AFG1L: variants seen among roughly 807,000 people sequenced by gnomAD.
The protein encoded by AFG1L is AFG1 like ATPase.
AFG1L carries 53 observed loss-of-function variants against 62.2 expected under a neutral mutation model. That is an observed-to-expected ratio of 0.85 (90% CI 0.68 to 1.07). The LOEUF (loss-of-function observed/expected upper bound fraction) is 1.07. Among genes scored for constraint, AFG1L ranks in the 50% least tolerant of loss-of-function variants. The pLI is 0.00. For synonymous variants in AFG1L, 228 were observed against 210.3 expected (o/e 1.08, Z -0.73); for missense variants, 555 against 590.5 (o/e 0.94, Z 0.62).
At position 108,440,227 on chromosome 6, in the gene AFG1L, G is replaced by A. The variant is rs370755533; in HGVS notation, c.808-6987G>A. 1.2e-4 allele frequency among the ~76,000 whole-genome samples: 18 copies of A among 152,132 alleles called. No individual in the cohort carries two copies. The East Asian group carries it at 2.5e-3, about 21-fold the overall frequency. ...GGAGTCTCATTCTGTTGCCCAGGCTGGAGCAGTCTCAGTTCATTGCAACCT... is the reference window on the plus strand; with the variant it reads ...GGAGTCTCATTCTGTTGCCCAGGCTAGAGCAGTCTCAGTTCATTGCAACCT... On this transcript the variant is annotated intron_variant, in intron 7 of 12. Transcript: ENST00000368977.
At chr6:108,352,164 C>A (rs1168664989) in intron 3 of AFG1L, among the ~76,000 whole-genome samples, 1 of 152,198 alleles carries the variant, frequency 6.6e-6, no homozygotes, top group Non-Finnish European at 1.5e-5. Context: ...ACTCCCCTGG[C>A]CTGGCAACCA....
intron 2 of AFG1L, among the ~76,000 whole-genome samples, chr6:108,338,554 T>C (rs1324408008): frequency 6.6e-6 from 1 of 152,162 alleles, no homozygotes. Flanking sequence ...AGGTTGGTCT[T>C]GAACTCCTGG....
intron 3 of AFG1L, among the ~76,000 whole-genome samples, chr6:108,353,588 T>TA (rs1328986498): frequency 6.6e-6 from 1 of 151,826 alleles, no homozygotes. Context: ...TTTTTTTTTT[T>TA]AATAGTCGTT....
chr6:108,341,622 C>G (rs922890752), intron 2 of AFG1L, among the ~76,000 whole-genome samples: 5 of 151,996 alleles, frequency 3.3e-5, no homozygotes, highest in African/African-American at 1.2e-4. Context: ...GTACCTAGAT[C>G]TTTTGGGTTC....
At chr6:108,516,757 C>T (rs1582694038) in intron 11 of AFG1L, among the ~76,000 whole-genome samples, 2 of 152,108 alleles carry the variant, frequency 1.3e-5, no homozygotes, top group Admixed American at 6.6e-5. Context: ...AAAACCCCAT[C>T]GTCTCAGCCC....
intron 2 of AFG1L, among the ~76,000 whole-genome samples, chr6:108,337,068 C>T (rs1393739295): frequency 6.6e-6 from 1 of 152,164 alleles, no homozygotes; most frequent in East Asian, 1.9e-4. Flanking sequence ...TGCTATAGCC[C>T]AGGCTAGTCT....
chr6:108,355,717 G>A lies in AFG1L; in HGVS notation c.479G>A (p.Arg160Gln), dbSNP rs1413179981. 6 of 1,610,658 alleles carry A rather than the reference G, an allele frequency of 3.7e-6. No individual in the cohort carries two copies. The highest frequency in any genetic ancestry group is 1.3e-5 in the African/African-American group (1 of 74,738). Residue 160 changes from arginine to glutamine, a missense_variant, in exon 4 of 13, where the codon CGG becomes CAG. By Grantham distance (43) the Arg-to-Gln change is conservative. Transcript: ENST00000368977. ...TATGTGGAAATGAAGAGGAAAAAAC[G>A]GGTTCATTTTCATGGTTTCATGCTA... ...YAYVEMKRKK[R>Q]VHFHGFMLDV...
intron 6 of AFG1L, among the ~76,000 whole-genome samples, chr6:108,375,504 T>G (rs1780204810): frequency 6.6e-6 from 1 of 152,082 alleles, no homozygotes; most frequent in African/African-American, 2.4e-5. Context: ...GTTCCTGCGG[T>G]GTCTAGTTTC....
At chr6:108,499,749 C>CACCCCCA (rs1774113610) in intron 10 of AFG1L, among the ~76,000 whole-genome samples, 1 of 151,896 alleles carries the variant, frequency 6.6e-6, no homozygotes, top group Non-Finnish European at 1.5e-5. Context: ...AGAGCTAGAT[C>CACCCCCA]CTGTCCCCAT....
Position 108,482,834 on chromosome 6 carries a change from C to A in AFG1L, c.1062+5542C>A, listed in dbSNP as rs145856058. Among the ~76,000 whole-genome samples the A allele has an allele frequency of 9.5e-3, 1,447 of 152,272 alleles. 16 individuals carry two copies. The highest frequency in any genetic ancestry group is 0.033 in the African/African-American group (1,369 of 41,566). On this transcript the variant is annotated intron_variant, in intron 10 of 12. Transcript: ENST00000368977. ...TCATGTCAAGGATTCATACTGTCAACATGGCTTATAAATGTTGATGCTAAC... is the reference window on the plus strand; with the variant it reads ...TCATGTCAAGGATTCATACTGTCAAAATGGCTTATAAATGTTGATGCTAAC...
In AFG1L at chr6:108,453,310, T is replaced by TTA. The variant is rs1382148849; in HGVS notation, c.890+6015_890+6016dup. On this transcript the variant is annotated intron_variant, in intron 8 of 12. Coordinates refer to ENST00000368977, the MANE Select transcript of AFG1L (RefSeq NM_145315.5). ...TTTGTGCTTGGCTAATATAATGTAT[T>TTA]TACCCATCTTTTGAACAGATTTCAA... 8.5e-5 allele frequency among the ~76,000 whole-genome samples: 13 copies of TTA among 152,230 alleles called. 1 individual carries two copies. Among genetic ancestry groups the TTA allele is most frequent in the Non-Finnish European group, 1.9e-4 (13 of 68,038 alleles).
At chr6:108,518,601 G>A (rs1774995078) in intron 11 of AFG1L, among the ~76,000 whole-genome samples, 1 of 152,024 alleles carries the variant, frequency 6.6e-6, no homozygotes, top group Non-Finnish European at 1.5e-5. Flanking sequence ...GTATACATAT[G>A]TAACAAACCT....
At chr6:108,478,377 C>T (rs1297966878) in intron 10 of AFG1L, among the ~76,000 whole-genome samples, 1 of 152,256 alleles carries the variant, frequency 6.6e-6, no homozygotes, top group Non-Finnish European at 1.5e-5. Flanking sequence ...GCGGAGCCTG[C>T]ATTGAGCCGA....
intron 10 of AFG1L, among the ~76,000 whole-genome samples, chr6:108,500,167 CGTGCGTGTGTGTGTGTGTGT>C (rs964839521): frequency 5.5e-5 from 4 of 73,028 alleles, no homozygotes; most frequent in African/African-American, 2.5e-4. Flanking sequence ...TTCCATGGTG[CGTGCGTGTGTGTGTGTGTGT>C]GTGTGTGTGT....
At chr6:108,360,183 G>T (rs1461209706) in intron 5 of AFG1L, among the ~76,000 whole-genome samples, 1 of 152,166 alleles carries the variant, frequency 6.6e-6, no homozygotes, top group Admixed American at 6.5e-5. Flanking sequence ...GTTATATAAG[G>T]TAGTGTCATT....
chr6:108,446,489 CTCT>C (rs1348587414), intron 7 of AFG1L, among the ~76,000 whole-genome samples: 4 of 132,310 alleles, frequency 3.0e-5, no homozygotes, highest in South Asian at 2.4e-4. Context: ...CTCTCTCTCT[CTCT>C]TTTTTTTTTT....
intron 10 of AFG1L, among the ~76,000 whole-genome samples, chr6:108,493,159 C>T (rs1158379334): frequency 6.6e-6 from 1 of 152,154 alleles, no homozygotes; most frequent in Non-Finnish European, 1.5e-5. Context: ...AGCAAGGGAG[C>T]CGTGAGAATC....
chr6:108,368,849 A>G (rs1320050024), intron 6 of AFG1L, among the ~76,000 whole-genome samples: 1 of 152,222 alleles, frequency 6.6e-6, no homozygotes, highest in Non-Finnish European at 1.5e-5. Flanking sequence ...TGCAGCTCCT[A>G]GCTTTGTAGG....
chr6:108,406,313 C>CTT (rs59484751), intron 7 of AFG1L, among the ~76,000 whole-genome samples: 189 of 141,152 alleles, frequency 1.3e-3, no homozygotes, highest in Middle Eastern at 7.2e-3. Flanking sequence ...TTTCTTTTTC[C>CTT]TTTTTTTTTT....
Sources: gnomAD v4.1 joint callset for allele counts (sites outside exome capture counted in the v4.1 genomes callset) on GRCh38, gnomAD v4.1.1 for gene constraint, MANE v1.5 for transcripts, NCBI Gene and HGNC (gene_info 2026-07-23, HGNC 2026-07-21) for gene names.